The following LRRC56 variants were observed in gnomAD, a reference collection of about 807,000 sequenced individuals.
LRRC56 encodes leucine-rich repeat-containing protein 56.
Under a neutral mutation model 47.8 loss-of-function variants are expected in LRRC56, and 41 were observed. The ratio of observed to expected loss-of-function variants is 0.86; its 90% CI spans 0.67 to 1.11. LRRC56 has a LOEUF of 1.11. Among genes scored for constraint, LRRC56 ranks in the 50% most tolerant of loss-of-function variants. LRRC56 has a pLI of 0.00. For missense variants in LRRC56, 759 were observed against 704.2 expected (o/e 1.08, Z -0.88); for synonymous variants, 387 against 311.2 (o/e 1.24, Z -2.56).
At chr11:514,883 T>C in the LRRC56 span, among the ~76,000 whole-genome samples, 2 of 151,994 alleles carry the variant, frequency 1.3e-5, no homozygotes, top group African/African-American at 2.4e-5. Context: ...ACTACCGAGG[T>C]TGACGCAGCT....
chr11:551,231 C>G lies in LRRC56; in HGVS notation c.725C>G (p.Pro242Arg), dbSNP rs1398229633. ...GCCGCACACACAGGCCCACCGGCCC[C>G]CCCGCGGCTGAGCCAGGACTGGCTT... ...VPAAHTGPPA[P>R]PRLSQDWLAV... Residue 242 changes from proline to arginine, a missense_variant, in exon 9 of 14, where the codon CCC becomes CGC. Transcript: ENST00000270115. 2 of 1,547,086 alleles carry G rather than the reference C, an allele frequency of 1.3e-6. No homozygotes were observed. Among genetic ancestry groups the G allele is most frequent in the African/African-American group, 2.7e-5 (2 of 72,918 alleles).
the LRRC56 span, among the ~76,000 whole-genome samples, chr11:509,824 A>C: frequency 6.6e-6 from 1 of 150,716 alleles, no homozygotes; most frequent in Non-Finnish European, 1.5e-5. Flanking sequence ...CAACCTCCCA[A>C]AGTGCCTGGC....
intron 12 of LRRC56, 139 bp from the exon 13 acceptor site, chr11:552,430 T>G: frequency 8.7e-7 from 1 of 1,143,382 alleles, no homozygotes; most frequent in Non-Finnish European, 1.2e-6. Flanking sequence ...CATCCCTGTG[T>G]GTCCTGTCCC....
chr11:527,579 TG>T, the LRRC56 span, among the ~76,000 whole-genome samples: 76 of 152,214 alleles, frequency 5.0e-4, no homozygotes, highest in Middle Eastern at 6.8e-3. Context: ...TCCCCCAGGC[TG>T]GAGTGCAGTG....
intron 6 of LRRC56, among the ~76,000 whole-genome samples, chr11:546,499 C>T (rs1175215145): frequency 1.3e-5 from 2 of 151,606 alleles, no homozygotes; most frequent in South Asian, 2.1e-4. Flanking sequence ...ACCCAGGAGG[C>T]GGAGCTTGCA....
Position 540,727 on chromosome 11 carries a change from AC to A in LRRC56, c.45del (p.Ser16ProfsTer8). On this transcript the variant is annotated frameshift_variant, in exon 4 of 14. Coordinates refer to ENST00000270115, the MANE Select transcript of LRRC56 (RefSeq NM_198075.4). LOFTEE classifies it high-confidence loss of function. ...WDRSRGPRRSTSSVRVRELSW... is the reference protein window; with the variant it reads ...WDRSRGPRRSXSSVRVRELSW... ...CAGATCCCGTGGGCCTCGGCGGAGC[AC>A]CTCCAGCGTCCGGGTGCGGGAGCTG... is the stretch of plus-strand genomic sequence containing the variant. 6.2e-7 allele frequency: 1 copy of A among 1,612,410 alleles called. No homozygotes were observed. The highest frequency in any genetic ancestry group is 2.2e-5 in the East Asian group (1 of 44,868).
the LRRC56 span, among the ~76,000 whole-genome samples, chr11:520,924 T>C: frequency 6.6e-6 from 1 of 152,180 alleles, no homozygotes; most frequent in Non-Finnish European, 1.5e-5. Context: ...GGGGTGGGAA[T>C]TGTCCATATT....
At chr11:539,384 C>CTTT (rs35782858) in intron 2 of LRRC56, among the ~76,000 whole-genome samples, 196 bp from the exon 3 acceptor site, 8,428 of 92,268 alleles carry the variant, frequency 0.091, 746 homozygotes, top group Admixed American at 0.14. Flanking sequence ...CGCACCCAGC[C>CTTT]TTTTTTTTTT....
upstream of LRRC56, chr11:533,520 C>G (rs1554884794): frequency 6.2e-7 from 1 of 1,613,680 alleles, no homozygotes; most frequent in Non-Finnish European, 8.5e-7. Context: ...CTGAGCCTGC[C>G]GAGATTCCAC....
At chr11:544,257 T>A (rs1340344175) in intron 5 of LRRC56, among the ~76,000 whole-genome samples, 1 of 152,080 alleles carries the variant, frequency 6.6e-6, no homozygotes, top group Non-Finnish European at 1.5e-5. Flanking sequence ...TGGAGGCAGC[T>A]TGGGGGTGGG....
At chr11:551,544 G>A in intron 9 of LRRC56, 107 bp from the exon 10 acceptor site, 1 of 1,233,576 alleles carries the variant, frequency 8.1e-7, no homozygotes, top group Non-Finnish European at 1.1e-6. Flanking sequence ...TGAGAGGCCA[G>A]CCTCAGGCCA....
At chr11:521,688 G>T in the LRRC56 span, among the ~76,000 whole-genome samples, 3 of 152,328 alleles carry the variant, frequency 2.0e-5, no homozygotes, top group Admixed American at 2.0e-4. Context: ...ACCGAGGCGG[G>T]CAGATCACGA....
chr11:527,894 G>A, the LRRC56 span, among the ~76,000 whole-genome samples: 1 of 151,934 alleles, frequency 6.6e-6, no homozygotes, highest in African/African-American at 2.4e-5. Context: ...TAGAGACAGG[G>A]TTTCTCCATG....
the LRRC56 span, among the ~76,000 whole-genome samples, chr11:510,828 G>A: frequency 6.6e-6 from 1 of 152,018 alleles, no homozygotes; most frequent in Non-Finnish European, 1.5e-5. Flanking sequence ...AGAATCACTT[G>A]AACCCAGAAG....
At position 541,082 on chromosome 11, in the gene LRRC56, G is replaced by C; in HGVS notation, c.177+221G>C. On this transcript the variant is annotated intron_variant, in intron 4 of 13. Coordinates refer to ENST00000270115, the MANE Select transcript of LRRC56 (RefSeq NM_198075.4). The surrounding 1 kb of genome is among the most constrained non-coding windows in gnomAD (Gnocchi z 4.1). ...AAACACCAGCAACACCAGGTGCTCA[G>C]TGACACAGACGTCCCCAGGCATTTG... Among the ~76,000 whole-genome samples, 1 of 152,190 alleles carries C rather than the reference G, an allele frequency of 6.6e-6. No homozygotes were observed. The highest frequency in any genetic ancestry group is 1.9e-4 in the East Asian group (1 of 5,202).
rs752363538 is a variant in LRRC56 at position 551,234 on chromosome 11, C to T, written c.728C>T (p.Pro243Leu). The change falls in exon 9 of 14, where the codon CCG becomes CTG. Residue 243 changes from proline to leucine, a missense_variant. Physicochemically the swap from Pro to Leu is moderately conservative, Grantham distance 98. Coordinates refer to ENST00000270115, the MANE Select transcript of LRRC56 (RefSeq NM_198075.4). ...PAAHTGPPAPPRLSQDWLAVK... is the reference protein window; with the variant it reads ...PAAHTGPPAPLRLSQDWLAVK... Reference sequence around the variant, plus strand: ...GCACACACAGGCCCACCGGCCCCCCCGCGGCTGAGCCAGGACTGGCTTGCG... The same window carrying T: ...GCACACACAGGCCCACCGGCCCCCCTGCGGCTGAGCCAGGACTGGCTTGCG... The T allele has an allele frequency of 3.9e-5, 60 of 1,546,816 alleles. No individual in the cohort carries two copies. Among genetic ancestry groups the T allele is most frequent in the Non-Finnish European group, 4.3e-5 (49 of 1,144,826 alleles).
At chr11:518,107 A>G in the LRRC56 span, among the ~76,000 whole-genome samples, 1 of 152,236 alleles carries the variant, frequency 6.6e-6, no homozygotes, top group African/African-American at 2.4e-5. Flanking sequence ...TCTCTCCACT[A>G]TTATCCTATG....
chr11:521,141 C>T, the LRRC56 span, among the ~76,000 whole-genome samples: 4 of 152,186 alleles, frequency 2.6e-5, no homozygotes, highest in East Asian at 7.7e-4. Context: ...AATTTACGCT[C>T]CCGCCCCAGG....
chr11:509,714 ATTTTTTTTTTTT>A, the LRRC56 span, among the ~76,000 whole-genome samples: 1 of 125,208 alleles, frequency 8.0e-6, no homozygotes, highest in Non-Finnish European at 1.7e-5. Context: ...CGCCCGGCTA[ATTTTTTTTTTTT>A]TTTTTTTTTT....
Sources: allele counts gnomAD v4.1 joint callset (sites outside exome capture counted in the v4.1 genomes callset), GRCh38; gene constraint gnomAD v4.1.1; non-coding constraint Gnocchi (gnomAD v3.1); transcripts MANE v1.5; gene names NCBI Gene and HGNC (gene_info 2026-07-23, HGNC 2026-07-21).